The following CSMD1 variants were observed in gnomAD, a reference collection of about 807,000 sequenced individuals.
CSMD1 encodes CUB and sushi domain-containing protein 1.
CSMD1 carries 213 observed loss-of-function variants against 417.5 expected under a neutral mutation model. That is an observed-to-expected ratio of 0.51 (90% CI 0.46 to 0.57). The LOEUF (loss-of-function observed/expected upper bound fraction) is 0.57, where lower values mean the gene tolerates loss of function less well. Ranked by LOEUF, CSMD1 falls within the 20% of genes least tolerant of loss-of-function variation. CSMD1 has a pLI of 0.00. For synonymous variants in CSMD1, 2,862 were observed against 1,736.8 expected (o/e 1.65, Z -16.11); for missense variants, 6,923 against 4,529.7 (o/e 1.53, Z -15.17).
chr8:3,353,852 A>G (rs571717925), intron 21 of CSMD1, among the ~76,000 whole-genome samples: 2 of 152,218 alleles, frequency 1.3e-5, no homozygotes, highest in Non-Finnish European at 2.9e-5. Flanking sequence ...GATTTTTGCA[A>G]TTGAATGAAA....
intron 12 of CSMD1, among the ~76,000 whole-genome samples, chr8:3,449,349 C>A (rs1037842147): frequency 6.6e-6 from 1 of 152,152 alleles, no homozygotes; most frequent in African/African-American, 2.4e-5. Flanking sequence ...ATCTTGTTTT[C>A]TCTACCCCTC....
intron 3 of CSMD1, among the ~76,000 whole-genome samples, chr8:4,032,752 C>T (rs952805898): frequency 3.9e-5 from 6 of 152,142 alleles, no homozygotes; most frequent in African/African-American, 1.2e-4. Flanking sequence ...TAAGTTTTGA[C>T]AACAGAAATA....
At chr8:3,495,499 AG>A (rs1417676048) in intron 10 of CSMD1, among the ~76,000 whole-genome samples, 1 of 152,230 alleles carries the variant, frequency 6.6e-6, no homozygotes, top group Non-Finnish European at 1.5e-5. Context: ...AGGTAGACAG[AG>A]AAAGTCTTTG....
intron 5 of CSMD1, among the ~76,000 whole-genome samples, chr8:3,868,895 T>C (rs568338794): frequency 6.6e-6 from 1 of 152,180 alleles, no homozygotes; most frequent in Non-Finnish European, 1.5e-5. Flanking sequence ...GTGTGCTTGC[T>C]TCCATCTTTC....
chr8:4,091,426 T>G (rs988644528), intron 3 of CSMD1, among the ~76,000 whole-genome samples: 1 of 152,162 alleles, frequency 6.6e-6, no homozygotes, highest in Non-Finnish European at 1.5e-5. Context: ...TTTACTCAAG[T>G]TATTATTTGC....
chr8:3,586,771 G>A (rs900984862), intron 8 of CSMD1, among the ~76,000 whole-genome samples: 2 of 152,072 alleles, frequency 1.3e-5, no homozygotes, highest in African/African-American at 4.8e-5. Flanking sequence ...ATTCTTATAG[G>A]AACAGAATAT....
intron 12 of CSMD1, among the ~76,000 whole-genome samples, chr8:3,412,013 TACATATACACACGTATATATAC>T (rs1446486393): frequency 0.033 from 215 of 6,524 alleles, 75 homozygotes; most frequent in African/African-American, 0.069. Flanking sequence ...CGTATATATA[TACATATACACACGTATATATAC>T]ACATATATAC....
intron 23 of CSMD1, among the ~76,000 whole-genome samples, chr8:3,316,667 T>C (rs1563265162): frequency 6.6e-6 from 1 of 152,132 alleles, no homozygotes; most frequent in Non-Finnish European, 1.5e-5. Context: ...TATATGCTGA[T>C]GCTTCCTTTT....
chr8:4,064,398 T>C (rs975864834), intron 3 of CSMD1, among the ~76,000 whole-genome samples: 1 of 152,188 alleles, frequency 6.6e-6, no homozygotes, highest in African/African-American at 2.4e-5. Flanking sequence ...TCCCTCAATG[T>C]TGAGAAGGTA....
intron 2 of CSMD1, among the ~76,000 whole-genome samples, chr8:4,547,287 T>A (rs1172758467): frequency 1.3e-5 from 2 of 152,216 alleles, no homozygotes; most frequent in African/African-American, 4.8e-5. Context: ...GATTACTAAA[T>A]GTAAAGGCAT....
chr8:3,576,592 G>A (rs1039108193), intron 9 of CSMD1, among the ~76,000 whole-genome samples: 3 of 152,152 alleles, frequency 2.0e-5, no homozygotes, highest in Non-Finnish European at 4.4e-5. Context: ...CTTTTAAAAT[G>A]CTGGCATTTA....
intron 23 of CSMD1, among the ~76,000 whole-genome samples, 184 bp downstream of exon 23, chr8:3,343,110 A>C (rs1321317918): frequency 1.3e-5 from 2 of 152,194 alleles, no homozygotes; most frequent in Non-Finnish European, 2.9e-5. Context: ...CAAATAGATA[A>C]ATTTCAAGCT....
At chr8:4,766,934 C>G (rs1812505698) in intron 1 of CSMD1, among the ~76,000 whole-genome samples, 2 of 152,030 alleles carry the variant, frequency 1.3e-5, no homozygotes, top group Non-Finnish European at 2.9e-5. Flanking sequence ...AAAATATGTA[C>G]AGAGACACTT....
intron 6 of CSMD1, among the ~76,000 whole-genome samples, chr8:3,734,710 C>CA (rs935734796): frequency 2.2e-4 from 33 of 152,042 alleles, no homozygotes; most frequent in African/African-American, 7.7e-4. Flanking sequence ...GATTTTGTCT[C>CA]AAAAAAATAA....
At chr8:4,932,881 T>C (rs1451768843) in intron 1 of CSMD1, among the ~76,000 whole-genome samples, 2 of 152,242 alleles carry the variant, frequency 1.3e-5, no homozygotes, top group East Asian at 3.8e-4. Context: ...AAATGCAATA[T>C]TAATTTTTAC....
rs754983924 is a variant in CSMD1, at chr8:3,110,309, G to C, written c.6457C>G (p.Gln2153Glu). The C allele has an allele frequency of 3.1e-6, 5 of 1,612,176 alleles. No homozygotes were observed. Among genetic ancestry groups the C allele is most frequent in the Non-Finnish European group, 3.4e-6 (4 of 1,179,300 alleles). The change falls in exon 43 of 70, where the codon CAG becomes GAG. Residue 2153 changes from glutamine (Q) to glutamate (E), a missense_variant. Physicochemically the swap from Gln to Glu is conservative, Grantham distance 29. Coordinates refer to ENST00000635120, the MANE Select transcript of CSMD1 (RefSeq NM_033225.6). ...CCAGGGGAGTAGATGGTGCCGTTCT[G>C]AGAAGTTACGTTGTACCCACAAGGG... ...DAPCGYNVTS[Q>E]NGTIYSPGFP... is the part of the protein sequence containing the mutation.
chr8:3,677,441 G>A (rs1204852760), intron 7 of CSMD1, among the ~76,000 whole-genome samples: 2 of 152,190 alleles, frequency 1.3e-5, no homozygotes, highest in Non-Finnish European at 2.9e-5. Context: ...CCACAGTACA[G>A]GTTGTCAGGA....
chr8:4,515,393 C>G (rs549148920), intron 2 of CSMD1, among the ~76,000 whole-genome samples: 1 of 152,026 alleles, frequency 6.6e-6, no homozygotes, highest in Admixed American at 6.6e-5. Context: ...TGTTATGGGA[C>G]CCATGAAGAG....
At chr8:4,253,568 G>A (rs1377597857) in intron 3 of CSMD1, among the ~76,000 whole-genome samples, 1 of 152,026 alleles carries the variant, frequency 6.6e-6, no homozygotes, top group Non-Finnish European at 1.5e-5. Flanking sequence ...CATTTGATCT[G>A]GTATACTTCA....
Sources: allele counts gnomAD v4.1 joint callset (sites outside exome capture counted in the v4.1 genomes callset), GRCh38; gene constraint gnomAD v4.1.1; transcripts MANE v1.5; gene names NCBI Gene and HGNC (gene_info 2026-07-23, HGNC 2026-07-21).